SGCZ: variants seen among roughly 807,000 people sequenced by gnomAD.
The protein encoded by SGCZ is sarcoglycan zeta.
SGCZ carries 40 observed loss-of-function variants against 41.3 expected under a neutral mutation model. The ratio of observed to expected loss-of-function variants is 0.97; its 90% CI spans 0.75 to 1.26. The LOEUF (loss-of-function observed/expected upper bound fraction) is 1.26, where lower values mean the gene tolerates loss of function less well. Among genes scored for constraint, SGCZ ranks in the 50% most tolerant of loss-of-function variants. The pLI is 0.00. For synonymous variants in SGCZ, 206 were observed against 137.5 expected, an observed-to-expected ratio of 1.50 and a Z score of -3.49; for missense variants, 552 against 369.8, an observed-to-expected ratio of 1.49 and a Z score of -4.04.
At chr8:14,782,676 G>T (rs1220118525) in intron 1 of SGCZ, among the ~76,000 whole-genome samples, 1 of 138,314 alleles carries the variant, frequency 7.2e-6, no homozygotes, top group Non-Finnish European at 1.7e-5. Context: ...TTATTGAGAT[G>T]GTTATAGAAA....
chr8:14,279,386 GT>G (rs981938231), intron 3 of SGCZ, among the ~76,000 whole-genome samples: 5 of 152,034 alleles, frequency 3.3e-5, no homozygotes, highest in Middle Eastern at 3.4e-3. Context: ...TGCATTTCAG[GT>G]TATCACAAAA....
intron 1 of SGCZ, among the ~76,000 whole-genome samples, chr8:14,869,994 G>A (rs1007097713): frequency 6.6e-6 from 1 of 152,196 alleles, no homozygotes; most frequent in Non-Finnish European, 1.5e-5. Context: ...TGTTAAAATG[G>A]CCATACTGCC....
chr8:15,171,760 T>C (rs1197249771), intron 1 of SGCZ, among the ~76,000 whole-genome samples: 1 of 152,192 alleles, frequency 6.6e-6, no homozygotes, highest in Non-Finnish European at 1.5e-5. Flanking sequence ...CAATCTCAGA[T>C]GTGGTATGTG....
intron 1 of SGCZ, among the ~76,000 whole-genome samples, chr8:14,668,918 TTGTG>T (rs60932690): frequency 0.54 from 82,096 of 151,190 alleles, 23,746 homozygotes; most frequent in East Asian, 0.74. Context: ...AGTTATTTTC[TTGTG>T]TGTGTGTGTG....
At chr8:15,155,462 C>T (rs573812165) in intron 1 of SGCZ, among the ~76,000 whole-genome samples, 1 of 152,256 alleles carries the variant, frequency 6.6e-6, no homozygotes, top group East Asian at 1.9e-4. Context: ...CTATCTTGAC[C>T]TAGCAACTTC....
At chr8:15,213,774 T>G (rs78461220) in intron 1 of SGCZ, among the ~76,000 whole-genome samples, 3,903 of 151,980 alleles carry the variant, frequency 0.026, 170 homozygotes, top group African/African-American at 0.09. Context: ...TTTTATGTCT[T>G]GAGAAGATGG....
intron 6 of SGCZ, among the ~76,000 whole-genome samples, chr8:14,103,177 G>A (rs182997602): frequency 1.6e-4 from 24 of 152,182 alleles, no homozygotes; most frequent in Non-Finnish European, 2.9e-4. Flanking sequence ...GCGATTGAAG[G>A]TTGGCTACAT....
At chr8:14,440,855 A>G (rs1179908577) in intron 2 of SGCZ, among the ~76,000 whole-genome samples, 1 of 73,242 alleles carries the variant, frequency 1.4e-5, no homozygotes, top group Non-Finnish European at 3.0e-5. Context: ...ATATATGTAC[A>G]CACACACACA....
intron 1 of SGCZ, among the ~76,000 whole-genome samples, chr8:14,970,058 A>T (rs1030842486): frequency 2.0e-5 from 3 of 152,116 alleles, no homozygotes; most frequent in African/African-American, 7.2e-5. Context: ...CAGTCATTTT[A>T]ATTATAGTCA....
intron 2 of SGCZ, among the ~76,000 whole-genome samples, chr8:14,489,867 C>CTT (rs67472735): frequency 2.2e-5 from 3 of 137,666 alleles, no homozygotes; most frequent in South Asian, 2.3e-4. Flanking sequence ...ATTCTCCTAC[C>CTT]TTTTTTTTTT....
chr8:15,093,154 C>T (rs1218043064), intron 1 of SGCZ, among the ~76,000 whole-genome samples: 2 of 152,162 alleles, frequency 1.3e-5, no homozygotes, highest in African/African-American at 4.8e-5. Context: ...TTCTCTGTGA[C>T]TTGAAAAAGG....
At chr8:14,573,732 G>T (rs551671545) in intron 1 of SGCZ, among the ~76,000 whole-genome samples, 1 of 152,138 alleles carries the variant, frequency 6.6e-6, no homozygotes, top group African/African-American at 2.4e-5. Flanking sequence ...GTAGTAAGTT[G>T]ATTTAATGAA....
At chr8:14,886,103 C>G (rs1295931892) in intron 1 of SGCZ, among the ~76,000 whole-genome samples, 1 of 144,310 alleles carries the variant, frequency 6.9e-6, no homozygotes, top group Non-Finnish European at 1.5e-5. Flanking sequence ...AAAGTTTGAC[C>G]ACTTAATATT....
intron 3 of SGCZ, among the ~76,000 whole-genome samples, chr8:14,300,382 G>A (rs1801147786): frequency 1.3e-5 from 2 of 151,284 alleles, no homozygotes; most frequent in African/African-American, 2.4e-5. Flanking sequence ...GAGGGAGGAA[G>A]GGAATGAGGA....
At chr8:14,261,103 A>C (rs919818237) in intron 3 of SGCZ, among the ~76,000 whole-genome samples, 1 of 27,114 alleles carries the variant, frequency 3.7e-5, no homozygotes, top group African/African-American at 5.3e-5. Flanking sequence ...ATAATAAAAT[A>C]AAAAAAAAGA....
chr8:14,866,237 T>C (rs1256877879), intron 1 of SGCZ, among the ~76,000 whole-genome samples: 1 of 152,148 alleles, frequency 6.6e-6, no homozygotes, highest in Non-Finnish European at 1.5e-5. Flanking sequence ...TGTTCTTCCG[T>C]CTAAGTGATA....
intron 1 of SGCZ, among the ~76,000 whole-genome samples, chr8:15,037,719 G>C (rs1305414815): frequency 6.6e-6 from 1 of 152,234 alleles, no homozygotes; most frequent in African/African-American, 2.4e-5. Context: ...TCATATGCAT[G>C]CAGAAAATGC....
At chr8:14,253,940 C>CTT (rs34262465) in intron 3 of SGCZ, among the ~76,000 whole-genome samples, 3 of 126,366 alleles carry the variant, frequency 2.4e-5, no homozygotes, top group African/African-American at 5.5e-5. Context: ...ACTTGTTCTG[C>CTT]TTTTCATGAA....
At chr8:14,563,133 G>A (rs947901162) in intron 1 of SGCZ, among the ~76,000 whole-genome samples, 1 of 152,172 alleles carries the variant, frequency 6.6e-6, no homozygotes, top group African/African-American at 2.4e-5. Flanking sequence ...GGTACTGAGT[G>A]TCGCCTCCTC....
Sources: allele counts gnomAD v4.1 joint callset (sites outside exome capture counted in the v4.1 genomes callset), GRCh38; gene constraint gnomAD v4.1.1; transcripts MANE v1.5; gene names NCBI Gene and HGNC (gene_info 2026-07-23, HGNC 2026-07-21).